Variants in GPATCH8 observed in about 807,000 individuals in gnomAD.
The protein encoded by GPATCH8 is G-patch domain containing 8.
Under a neutral mutation model 118.3 loss-of-function variants are expected in GPATCH8, and 18 were observed. The ratio of observed to expected loss-of-function variants is 0.15; its 90% confidence interval spans 0.11 to 0.23. The LOEUF is 0.23. Ranked by LOEUF, GPATCH8 falls within the 10% of genes least tolerant of loss-of-function variation. GPATCH8 has a pLI of 1.00. For synonymous variants in GPATCH8, 659 were observed against 684.7 expected (o/e 0.96, Z 0.59); for missense variants, 1,631 against 1,873.8 (o/e 0.87, Z 2.39).
intron 5 of GPATCH8, among the ~76,000 whole-genome samples, chr17:44,432,352 C>G (rs963354244): frequency 6.6e-6 from 1 of 151,860 alleles, no homozygotes; most frequent in African/African-American, 2.4e-5. Context: ...TCTTTCTTAA[C>G]TAAAAACATA....
intron 2 of GPATCH8, chr17:44,467,005 A>G (rs952944400): frequency 2.1e-6 from 1 of 465,250 alleles, no homozygotes; most frequent in Non-Finnish European, 4.1e-6. Context: ...TGATTGTGTT[A>G]TATTATGAAT....
chr17:44,425,266 A>T (rs115133047), intron 5 of GPATCH8, among the ~76,000 whole-genome samples: 1 of 152,340 alleles, frequency 6.6e-6, no homozygotes, highest in African/African-American at 2.4e-5. Context: ...CATTACTTTC[A>T]TAATGAGCAA....
Position 44,401,044 on chromosome 17 carries a change from T to C in GPATCH8, c.1033A>G (p.Lys345Glu). The C allele has an allele frequency of 6.2e-7, 1 of 1,614,160 alleles. No individual in the cohort carries two copies. Among genetic ancestry groups the C allele is most frequent in the African/African-American group, 1.3e-5 (1 of 75,048 alleles). ...CTGCTCCCATCAGAGTCTCCTACCT[T>C]CTGCAGTCCTTGGTCAGAACTCTTC... ...DEKSSDQGLQ[K>E]VGDSDGSSNL... is the part of the protein sequence containing the mutation. The change falls in exon 8 of 8, where the codon AAG (lysine) becomes GAG (glutamate). Residue 345 changes from lysine (K) to glutamate (E), a missense_variant. Lys to Glu is a moderately conservative substitution (Grantham distance 56). Transcript: ENST00000591680.
At chr17:44,474,542 A>C (rs767031855) in intron 2 of GPATCH8, 5 of 476,256 alleles carry the variant, frequency 1.0e-5, no homozygotes, top group Non-Finnish European at 1.9e-5. Context: ...AATTCACAAA[A>C]TGCTAAACTT....
intron 3 of GPATCH8, among the ~76,000 whole-genome samples, chr17:44,461,172 AT>A (rs1182591732): frequency 6.6e-6 from 1 of 152,038 alleles, no homozygotes; most frequent in Non-Finnish European, 1.5e-5. Context: ...GAAAGGGTGA[AT>A]TTTATTTTAT....
intron 7 of GPATCH8, 146 bp from the exon 8 acceptor site, chr17:44,401,599 CTA>C: frequency 1.5e-6 from 1 of 659,808 alleles, no homozygotes; most frequent in Non-Finnish European, 2.7e-6. Flanking sequence ...TTCCCTAGCC[CTA>C]TACTAACAAA....
At chr17:44,503,159 C>T (rs561347076) in intron 1 of GPATCH8, among the ~76,000 whole-genome samples, 167 bp downstream of exon 1, 3 of 152,308 alleles carry the variant, frequency 2.0e-5, no homozygotes, top group African/African-American at 7.2e-5. Flanking sequence ...GGAGATGCGG[C>T]CTCCCTCAAG....
chr17:44,501,788 G>T (rs1198770001), intron 1 of GPATCH8, among the ~76,000 whole-genome samples: 1 of 151,960 alleles, frequency 6.6e-6, no homozygotes, highest in African/African-American at 2.4e-5. Context: ...ATTTTATTAG[G>T]TCACCTTGAG....
chr17:44,495,226 C>T (rs1319801232), intron 1 of GPATCH8, among the ~76,000 whole-genome samples: 4 of 152,014 alleles, frequency 2.6e-5, no homozygotes, highest in Non-Finnish European at 4.4e-5. Flanking sequence ...CCCAGTTACT[C>T]GTGAGGCTGA....
chr17:44,451,086 T>C (rs979516922), intron 3 of GPATCH8, among the ~76,000 whole-genome samples: 2 of 152,202 alleles, frequency 1.3e-5, no homozygotes, highest in Non-Finnish European at 2.9e-5. Context: ...TTATTCACTC[T>C]TAAAGACTTA....
chr17:44,503,252 TG>T, intron 1 of GPATCH8, 73 bp downstream of exon 1: 1 of 1,317,114 alleles, frequency 7.6e-7, no homozygotes, highest in Non-Finnish European at 1.1e-6. Context: ...GAAAGAGGGC[TG>T]GGAGCCGGAG....
At chr17:44,443,413 C>A (rs1472024955) in intron 3 of GPATCH8, among the ~76,000 whole-genome samples, 1 of 152,012 alleles carries the variant, frequency 6.6e-6, no homozygotes, top group Non-Finnish European at 1.5e-5. Flanking sequence ...GGCATAGAAA[C>A]AATTATTACT....
At chr17:44,458,891 T>G (rs2051442399) in intron 3 of GPATCH8, among the ~76,000 whole-genome samples, 1 of 152,204 alleles carries the variant, frequency 6.6e-6, no homozygotes, top group African/African-American at 2.4e-5. Context: ...TACTCAAATA[T>G]TATTTTAAGA....
chr17:44,481,979 G>A (rs534898376), intron 1 of GPATCH8, among the ~76,000 whole-genome samples: 1 of 152,070 alleles, frequency 6.6e-6, no homozygotes, highest in African/African-American at 2.4e-5. Flanking sequence ...AAAATTAGCC[G>A]GGTGTGGTAG....
At chr17:44,431,870 G>C (rs1404648221) in intron 5 of GPATCH8, among the ~76,000 whole-genome samples, 1 of 151,944 alleles carries the variant, frequency 6.6e-6, no homozygotes, top group African/African-American at 2.4e-5. Context: ...AGGCTGTAGT[G>C]AGCTACGATA....
chr17:44,446,449 C>T (rs2050884933), intron 3 of GPATCH8, among the ~76,000 whole-genome samples: 2 of 152,110 alleles, frequency 1.3e-5, no homozygotes, highest in South Asian at 4.1e-4. Flanking sequence ...CCTGTAGTCC[C>T]AGCTACTCGG....
intron 3 of GPATCH8, among the ~76,000 whole-genome samples, chr17:44,452,041 C>T (rs558350438): frequency 1.1e-4 from 16 of 151,920 alleles, no homozygotes; most frequent in Non-Finnish European, 1.6e-4. Flanking sequence ...GAGGCCGATT[C>T]GGGCGGATTG....
chr17:44,407,332 A>T (rs2049269790), intron 6 of GPATCH8: 1 of 152,206 alleles, frequency 6.6e-6, no homozygotes. Context: ...AGAAAAAAAA[A>T]ATAAAGCAAG....
chr17:44,490,198 T>C (rs1027876080), intron 1 of GPATCH8, among the ~76,000 whole-genome samples: 3 of 152,092 alleles, frequency 2.0e-5, no homozygotes, highest in Non-Finnish European at 4.4e-5. Context: ...GTCTCAGCTA[T>C]TCAAGAGCCT....
Sources: allele counts gnomAD v4.1 joint callset (sites outside exome capture counted in the v4.1 genomes callset), GRCh38; gene constraint gnomAD v4.1.1; transcripts MANE v1.5; gene names NCBI Gene and HGNC (gene_info 2026-07-23, HGNC 2026-07-21).